KCNMA1: variants seen among roughly 807,000 people sequenced by gnomAD.
KCNMA1 encodes the protein Calcium-activated potassium channel subunit alpha-1.
A neutral mutation model predicts 140.0 loss-of-function variants in KCNMA1; 29 were observed. The ratio of observed to expected loss-of-function variants is 0.21; its 90% CI spans 0.15 to 0.28. The LOEUF (loss-of-function observed/expected upper bound fraction) is 0.28, where lower values mean the gene tolerates loss of function less well. Among genes scored for constraint, KCNMA1 ranks in the 10% least tolerant of loss-of-function variants. The pLI, the probability that KCNMA1 is intolerant of heterozygous loss-of-function variation, is 1.00. For missense variants in KCNMA1, 880 were observed against 1,602.2 expected, an observed-to-expected ratio of 0.55 and a Z score of 7.70; for synonymous variants, 612 against 611.9, an observed-to-expected ratio of 1.00 and a Z score of 0.00.
intron 23 of KCNMA1, among the ~76,000 whole-genome samples, chr10:76,922,721 A>C (rs2056325814): frequency 6.6e-6 from 1 of 152,202 alleles, no homozygotes; most frequent in African/African-American, 2.4e-5. Context: ...TCATTGTTCA[A>C]GTTCCTGCAC....
intron 1 of KCNMA1, among the ~76,000 whole-genome samples, chr10:77,474,180 T>G (rs778561802): frequency 2.6e-5 from 4 of 152,136 alleles, no homozygotes; most frequent in Non-Finnish European, 5.9e-5. Flanking sequence ...AGCAAAGACA[T>G]GTAAATCACA....
chr10:77,308,539 T>C (rs2078401885), intron 2 of KCNMA1, among the ~76,000 whole-genome samples: 1 of 152,162 alleles, frequency 6.6e-6, no homozygotes, highest in African/African-American at 2.4e-5. Context: ...TTCCTCTAAG[T>C]GCACTATTAA....
At chr10:77,631,549 C>T (rs1353530542) in intron 1 of KCNMA1, among the ~76,000 whole-genome samples, 4 of 152,160 alleles carry the variant, frequency 2.6e-5, no homozygotes, top group Non-Finnish European at 4.4e-5. Context: ...CAGTGTGAGC[C>T]GGGACGCCCA....
At chr10:77,069,513 T>C (rs2096101392) in intron 14 of KCNMA1, among the ~76,000 whole-genome samples, 1 of 151,902 alleles carries the variant, frequency 6.6e-6, no homozygotes, top group Non-Finnish European at 1.5e-5. Context: ...TTAAATGGAG[T>C]AAATTAAGGA....
intron 1 of KCNMA1, among the ~76,000 whole-genome samples, chr10:77,520,158 G>T (rs1203986819): frequency 1.2e-3 from 10 of 8,198 alleles, no homozygotes; most frequent in African/African-American, 3.9e-3. Context: ...GTGAGGTCTG[G>T]CATATGCAGT....
intron 1 of KCNMA1, among the ~76,000 whole-genome samples, chr10:77,616,128 A>G (rs1299586448): frequency 6.6e-6 from 1 of 152,140 alleles, no homozygotes; most frequent in East Asian, 1.9e-4. Context: ...GCCTCACAAG[A>G]CTGAATTTAA....
rs560078527 is a variant in KCNMA1, at chr10:77,563,131, T to C, written c.378+74134A>G. Among the ~76,000 whole-genome samples the C allele has an allele frequency of 5.9e-5, 9 of 152,296 alleles. No individual in the cohort carries two copies. The East Asian group carries it at 1.7e-3, about 29-fold the overall frequency. On this transcript the variant is annotated intron_variant, in intron 1 of 27. Transcript: ENST00000286628. The stretch of plus-strand genomic sequence containing the variant: ...AAGAAACACATGGTAAGATTCTTTT[T>C]TTTTCCAAACCCGTAGGTAGCTCAA...
chr10:77,256,059 G>A (rs1249629754), intron 2 of KCNMA1, among the ~76,000 whole-genome samples: 1 of 152,104 alleles, frequency 6.6e-6, no homozygotes, highest in East Asian at 1.9e-4. Flanking sequence ...TGTCTGACAA[G>A]GTTCATGAAA....
rs914311960 is a variant in KCNMA1, at chr10:77,203,414, T to A, written c.603-18498A>T. Among the ~76,000 whole-genome samples, 5 of 152,184 alleles carry A rather than the reference T, an allele frequency of 3.3e-5. No individual in the cohort carries two copies. In the South Asian group the frequency reaches 8.3e-4, roughly 25 times the overall value. Reference sequence around the variant, plus strand: ...ACCTTTGAACACTCAACTCAGTGGCTGCCTCCTCCAGAAAGCCTCCCCTGA... The same window carrying A: ...ACCTTTGAACACTCAACTCAGTGGCAGCCTCCTCCAGAAAGCCTCCCCTGA... On this transcript the variant is annotated intron_variant, in intron 3 of 27. Coordinates refer to ENST00000286628, the MANE Select transcript of KCNMA1 (RefSeq NM_001161352.2).
At chr10:77,617,994 T>C (rs547686570) in intron 1 of KCNMA1, among the ~76,000 whole-genome samples, 16 of 152,260 alleles carry the variant, frequency 1.1e-4, no homozygotes, top group African/African-American at 3.9e-4. Flanking sequence ...TACCATGTGA[T>C]CAAGTTCTGG....
At position 77,110,209 on chromosome 10, in the gene KCNMA1, C is replaced by T. The variant is rs752725735; in HGVS notation, c.1095G>A (p.Gly365=). ...YGDVYAKTTL[G]RLFMVFFILG... is the part of the protein sequence containing the mutation. ...GGATGAAGAAGACCATGAAGAGGCG[C>T]CCAAGTGTGGTTTTTGCATAAACAT... Residue 365 remains glycine (G), a synonymous_variant, in exon 8 of 28, where the codon GGG becomes GGA. Coordinates refer to ENST00000286628, the MANE Select transcript of KCNMA1 (RefSeq NM_001161352.2). 6.2e-6 allele frequency: 10 copies of T among 1,613,906 alleles called. No individual in the cohort carries two copies. The East Asian group carries it at 1.3e-4, about 22-fold the overall frequency.
At chr10:76,891,833 T>G (rs2040206138) in intron 25 of KCNMA1, 114 bp from the exon 26 acceptor site, 1 of 824,494 alleles carries the variant, frequency 1.2e-6, no homozygotes, top group Non-Finnish European at 2.0e-6. Flanking sequence ...AGTTCTGGCC[T>G]GTCTCTTCAA....
chr10:77,249,687 G>C (rs530610028), intron 3 of KCNMA1: 4 of 152,314 alleles, frequency 2.6e-5, no homozygotes, highest in African/African-American at 9.6e-5. Context: ...CCCCTGGAGA[G>C]AGATTGGAGA....
At chr10:77,292,471 C>G (rs2073592526) in intron 2 of KCNMA1, among the ~76,000 whole-genome samples, 1 of 152,230 alleles carries the variant, frequency 6.6e-6, no homozygotes. Context: ...ACTATGTTTT[C>G]TGGCACTGTT....
chr10:77,440,797 C>G (rs577086716), intron 1 of KCNMA1, among the ~76,000 whole-genome samples: 1 of 152,170 alleles, frequency 6.6e-6, no homozygotes, highest in African/African-American at 2.4e-5. Context: ...AGCATTCCAG[C>G]AAGAATCAAA....
intron 1 of KCNMA1, among the ~76,000 whole-genome samples, chr10:77,484,539 A>T (rs933281815): frequency 6.6e-6 from 1 of 152,228 alleles, no homozygotes; most frequent in Non-Finnish European, 1.5e-5. Context: ...TATCACTCTC[A>T]TTTGTCAGAT....
intron 2 of KCNMA1, among the ~76,000 whole-genome samples, chr10:77,358,547 C>A (rs960182710): frequency 1.1e-4 from 17 of 152,142 alleles, no homozygotes; most frequent in African/African-American, 4.1e-4. Flanking sequence ...TTCCCCTCTT[C>A]CTTTTTCTCT....
intron 1 of KCNMA1, among the ~76,000 whole-genome samples, chr10:77,558,875 G>A (rs2065412516): frequency 6.6e-6 from 1 of 152,196 alleles, no homozygotes; most frequent in African/African-American, 2.4e-5. Flanking sequence ...CTGGCCTGTT[G>A]GCCTCCCCAA....
intron 19 of KCNMA1, among the ~76,000 whole-genome samples, chr10:76,982,129 A>G (rs2079690753): frequency 6.6e-6 from 1 of 152,162 alleles, no homozygotes; most frequent in Non-Finnish European, 1.5e-5. Flanking sequence ...TCTTTTCTTT[A>G]AAATCTTTTT....
Sources: allele counts gnomAD v4.1 joint callset (sites outside exome capture counted in the v4.1 genomes callset), GRCh38; gene constraint gnomAD v4.1.1; transcripts MANE v1.5; gene names NCBI Gene and HGNC (gene_info 2026-07-23, HGNC 2026-07-21).